CACNA1A: variants seen among roughly 807,000 people sequenced by gnomAD.
CACNA1A encodes the protein calcium voltage-gated channel subunit alpha1 A.
A neutral mutation model predicts 262.4 loss-of-function variants in CACNA1A; 57 were observed. The ratio of observed to expected loss-of-function variants is 0.22; its 90% CI spans 0.18 to 0.27. CACNA1A has a LOEUF of 0.27. Among genes scored for constraint, CACNA1A ranks in the 10% least tolerant of loss-of-function variants. CACNA1A has a pLI of 1.00. For synonymous variants in CACNA1A, 1,431 were observed against 1,419.3 expected (o/e 1.01, Z -0.18); for missense variants, 2,526 against 3,562.8 (o/e 0.71, Z 7.41).
chr19:13,261,180 T>C (rs766862192), intron 26 of CACNA1A: 3 of 364,340 alleles, frequency 8.2e-6, no homozygotes, highest in Non-Finnish European at 1.5e-5. Context: ...AGTAAGGAAC[T>C]GTGGATGTGT....
chr19:13,489,196 G>C (rs1253761499), intron 1 of CACNA1A, among the ~76,000 whole-genome samples: 1 of 151,354 alleles, frequency 6.6e-6, no homozygotes, highest in African/African-American at 2.4e-5. Context: ...ATTTTTAGTA[G>C]AGATGGGGTT....
At chr19:13,354,877 T>TTC (rs1568565131) in intron 6 of CACNA1A, among the ~76,000 whole-genome samples, 43 of 85,108 alleles carry the variant, frequency 5.1e-4, no homozygotes, top group African/African-American at 1.6e-3. Context: ...TTCTTTTTTT[T>TTC]TTTTTTTTTT....
chr19:13,269,320 G>A (rs1308927758), intron 24 of CACNA1A, among the ~76,000 whole-genome samples: 1 of 152,230 alleles, frequency 6.6e-6, no homozygotes, highest in Non-Finnish European at 1.5e-5. Flanking sequence ...GAGGCCTAGA[G>A]AAAAAGAGTG....
At position 13,432,062 on chromosome 19, in the gene CACNA1A, G is replaced by C. The variant is rs565268505; in HGVS notation, c.539+20814C>G. ...TGAGGTTGCAGTGGGCTGAGATCAT[G>C]CCACTGCACTCCAGCCTAGCAAGAG... On this transcript the variant is annotated intron_variant, in intron 3 of 46. Transcript: ENST00000360228. 7.7e-5 allele frequency among the ~76,000 whole-genome samples: 10 copies of C among 130,218 alleles called. No homozygotes were observed. In the East Asian group the frequency reaches 2.3e-3, roughly 30 times the overall value. The allele number at this position is 130,218 out of a possible 152,430, so 85.4% of individuals were successfully genotyped here.
chr19:13,496,806 T>C (rs1981587772), intron 1 of CACNA1A, among the ~76,000 whole-genome samples: 1 of 152,166 alleles, frequency 6.6e-6, no homozygotes. Flanking sequence ...CATCCATCTA[T>C]CCACTCTTCC....
At chr19:13,427,797 A>G (rs897575569) in intron 3 of CACNA1A, among the ~76,000 whole-genome samples, 38 of 152,196 alleles carry the variant, frequency 2.5e-4, no homozygotes, top group African/African-American at 8.9e-4. Context: ...AAACAAACAA[A>G]CAAACAAACA....
Position 13,298,745 on chromosome 19 carries a change from C to G in CACNA1A, c.2888G>C (p.Arg963Thr). ...GTCCTCCGGACCCTCCTCCCCGGGC[C>G]TGCGGTGCGCGCGATGACGTCGATG... ...GEHRRHRAHR[R>T]PGEEGPEDKA... Residue 963 changes from arginine to threonine, a missense_variant, in exon 19 of 47, where the codon AGG becomes ACG. Transcript: ENST00000360228. 1 of 1,509,184 alleles carries G rather than the reference C, an allele frequency of 6.6e-7. No homozygotes were observed. The highest frequency in any genetic ancestry group is 8.8e-7 in the Non-Finnish European group (1 of 1,135,328). 93.5% of individuals were successfully genotyped at this position (1,509,184 alleles called of 1,614,324 possible).
In CACNA1A at chr19:13,499,128, C is replaced by T. The variant is rs532459441; in HGVS notation, c.293+6804G>A. Among the ~76,000 whole-genome samples the T allele has an allele frequency of 1.1e-4, 17 of 152,084 alleles. No homozygotes were observed. In the East Asian group the frequency reaches 3.1e-3, roughly 28 times the overall value. On this transcript the variant is annotated intron_variant, in intron 1 of 46. Transcript: ENST00000360228. ...TTTTCTGTGGAGTTTGCAGTGGACA[C>T]CTGGGGTGGCCATCCTGGGCTGCAC... is the stretch of plus-strand genomic sequence containing the variant.
At chr19:13,375,732 G>A (rs1220924758) in intron 3 of CACNA1A, among the ~76,000 whole-genome samples, 4 of 152,180 alleles carry the variant, frequency 2.6e-5, no homozygotes, top group Admixed American at 2.0e-4. Flanking sequence ...AGGCTGCAGT[G>A]AGCGGTGATT....
intron 1 of CACNA1A, among the ~76,000 whole-genome samples, chr19:13,500,989 G>C (rs1982309829): frequency 6.6e-6 from 1 of 152,124 alleles, no homozygotes; most frequent in Non-Finnish European, 1.5e-5. Context: ...CAAAGCTGTA[G>C]GGATGGAGAA....
At chr19:13,402,057 C>T (rs1270487496) in intron 3 of CACNA1A, among the ~76,000 whole-genome samples, 2 of 152,218 alleles carry the variant, frequency 1.3e-5, no homozygotes, top group African/African-American at 4.8e-5. Flanking sequence ...GTTATTGCAG[C>T]TGGTGTTAAC....
chr19:13,321,489 T>C (rs1267383937), intron 10 of CACNA1A, among the ~76,000 whole-genome samples: 3 of 152,132 alleles, frequency 2.0e-5, no homozygotes, highest in Non-Finnish European at 2.9e-5. Context: ...AGAAATGCAT[T>C]GTTAGGCAAT....
chr19:13,237,965 A>G (rs756882069), intron 31 of CACNA1A, among the ~76,000 whole-genome samples: 34 of 152,138 alleles, frequency 2.2e-4, no homozygotes, highest in Non-Finnish European at 1.0e-4. Flanking sequence ...TTTGGAGGAG[A>G]GCAGGGGAAG....
intron 3 of CACNA1A, among the ~76,000 whole-genome samples, chr19:13,406,441 G>A (rs1414314104): frequency 4.9e-5 from 5 of 101,718 alleles, no homozygotes; most frequent in African/African-American, 1.8e-4. Flanking sequence ...GGTGACAGAG[G>A]GAGACTCTGT....
In CACNA1A at chr19:13,429,218, C is replaced by G. The variant is rs2060460341; in HGVS notation, c.539+23658G>C. 2.0e-5 allele frequency among the ~76,000 whole-genome samples: 3 copies of G among 151,488 alleles called. 1 individual carries two copies. The South Asian group carries it at 6.3e-4, about 32-fold the overall frequency. On this transcript the variant is annotated intron_variant, in intron 3 of 46. Coordinates refer to ENST00000360228, the MANE Select transcript of CACNA1A (RefSeq NM_001127222.2). ...CACACACACACACACCCCTCTTTCT[C>G]TCTCTTCTTGCAGCCTCTTCAGCCA...
At position 13,298,824 on chromosome 19, in the gene CACNA1A, C is replaced by T. The variant is rs746428515; in HGVS notation, c.2809G>A (p.Gly937Arg). Residue 937 changes from glycine to arginine, a missense_variant, in exon 19 of 47, where the codon GGG becomes AGG. By Grantham distance (125) the Gly-to-Arg change is moderately radical (BLOSUM62 -2). Around this residue, in one of 17 missense-constraint regions of CACNA1A, gnomAD observed 765 missense variants for 748.6 expected, o/e 1.02. Coordinates refer to ENST00000360228, the MANE Select transcript of CACNA1A (RefSeq NM_001127222.2). ...DPHRRHVHRQ[G>R]GSRESRSGSP... ...CCGCTGCGGCTCTCCCTGCTGCCCC[C>T]CTGCCGGTGCACGTGCCTCCGGTGG... 1.9e-6 allele frequency: 3 copies of T among 1,574,602 alleles called. No homozygotes were observed. Among genetic ancestry groups the T allele is most frequent in the Non-Finnish European group, 2.6e-6 (3 of 1,170,484 alleles).
intron 36 of CACNA1A, chr19:13,227,779 G>GGA (rs148342035): frequency 1.6e-5 from 4 of 250,792 alleles, no homozygotes; most frequent in East Asian, 6.9e-5. Context: ...TCGGGAGCAG[G>GGA]GAGAGAGAGA....
At chr19:13,445,154 AAAATTC>A (rs2060786643) in intron 3 of CACNA1A, among the ~76,000 whole-genome samples, 1 of 152,208 alleles carries the variant, frequency 6.6e-6, no homozygotes, top group African/African-American at 2.4e-5. Flanking sequence ...AAAAAAAAAA[AAAATTC>A]AATGATGCTT....
chr19:13,266,717 G>C (rs2056871870), intron 24 of CACNA1A, among the ~76,000 whole-genome samples: 1 of 152,164 alleles, frequency 6.6e-6, no homozygotes, highest in Non-Finnish European at 1.5e-5. Flanking sequence ...GGGATTACAG[G>C]TGTGCACCAC....
Sources: allele counts gnomAD v4.1 joint callset (sites outside exome capture counted in the v4.1 genomes callset), GRCh38; gene constraint gnomAD v4.1.1; regional missense constraint gnomAD v4.1.1; transcripts MANE v1.5; gene names NCBI Gene and HGNC (gene_info 2026-07-23, HGNC 2026-07-21).